Variants in CDYL2 observed in about 807,000 individuals in gnomAD.
CDYL2 encodes chromodomain Y-like protein 2.
A neutral mutation model predicts 49.4 loss-of-function variants in CDYL2; 23 were observed. The observed-to-expected ratio is 0.47, with a 90% CI of 0.34 to 0.66. The LOEUF (loss-of-function observed/expected upper bound fraction) is 0.66, where lower values mean the gene tolerates loss of function less well. Among genes scored for constraint, CDYL2 ranks in the 30% least tolerant of loss-of-function variants. CDYL2 has a pLI of 0.01. For missense variants in CDYL2, 678 were observed against 656.4 expected, an observed-to-expected ratio of 1.03 and a Z score of -0.36; for synonymous variants, 360 against 268.8, an observed-to-expected ratio of 1.34 and a Z score of -3.32.
At chr16:80,724,853 C>T (rs982563414) in intron 1 of CDYL2, among the ~76,000 whole-genome samples, 1 of 152,230 alleles carries the variant, frequency 6.6e-6, no homozygotes, top group Non-Finnish European at 1.5e-5. Flanking sequence ...TGTCTACAGT[C>T]TTGACCCATG....
At chr16:80,655,026 C>A (rs563140727) in intron 2 of CDYL2, among the ~76,000 whole-genome samples, 1 of 152,188 alleles carries the variant, frequency 6.6e-6, no homozygotes, top group Non-Finnish European at 1.5e-5. Flanking sequence ...CGGTCCCGTT[C>A]GTGGAGGCTT....
At chr16:80,730,655 AG>A (rs1404172655) in intron 1 of CDYL2, among the ~76,000 whole-genome samples, 4 of 152,226 alleles carry the variant, frequency 2.6e-5, no homozygotes, top group Non-Finnish European at 4.4e-5. Context: ...ACCAAAAAAA[AG>A]AATTTTAGAC....
chr16:80,645,540 C>G (rs1449784381), intron 2 of CDYL2, among the ~76,000 whole-genome samples: 1 of 152,150 alleles, frequency 6.6e-6, no homozygotes, highest in Non-Finnish European at 1.5e-5. Context: ...GTTGGTGGTA[C>G]TGTAAACTAG....
chr16:80,689,225 T>G (rs1431671036), intron 1 of CDYL2, among the ~76,000 whole-genome samples: 2 of 152,190 alleles, frequency 1.3e-5, no homozygotes, highest in African/African-American at 4.8e-5. Context: ...TGATCCCAGC[T>G]AATGTGAGAC....
At chr16:80,763,259 A>G (rs1446341771) in intron 1 of CDYL2, among the ~76,000 whole-genome samples, 1 of 2,530 alleles carries the variant, frequency 4.0e-4, no homozygotes, top group Non-Finnish European at 1.0e-3. Context: ...AGTAACGAGA[A>G]TCAACTGTGG....
chr16:80,770,061 G>A (rs79600383), intron 1 of CDYL2, among the ~76,000 whole-genome samples: 2,541 of 152,148 alleles, frequency 0.017, 32 homozygotes, highest in Non-Finnish European at 0.027. Context: ...GCAGAAAACC[G>A]AATGTGTTAA....
chr16:80,616,253 T>C (rs887580860), intron 4 of CDYL2, among the ~76,000 whole-genome samples: 2 of 152,156 alleles, frequency 1.3e-5, no homozygotes, highest in African/African-American at 4.8e-5. Flanking sequence ...AAATCAATGA[T>C]GTTGCCCCAG....
intron 1 of CDYL2, among the ~76,000 whole-genome samples, chr16:80,797,428 C>A (rs1230807040): frequency 6.6e-6 from 1 of 152,206 alleles, no homozygotes; most frequent in Non-Finnish European, 1.5e-5. Context: ...GAAACTGCAG[C>A]TGAAAATTAC....
At chr16:80,639,623 C>A (rs1001325432) in intron 2 of CDYL2, 69 of 435,028 alleles carry the variant, frequency 1.6e-4, no homozygotes, top group African/African-American at 1.2e-3. Flanking sequence ...TGTCTACACA[C>A]AAAAAAAAAT....
intron 1 of CDYL2, among the ~76,000 whole-genome samples, chr16:80,745,311 C>T (rs769642389): frequency 4.5e-4 from 68 of 152,136 alleles, no homozygotes; most frequent in Non-Finnish European, 7.8e-4. Context: ...CTGGAAAAGC[C>T]GATCACCATT....
chr16:80,742,831 G>C (rs893035546), intron 1 of CDYL2, among the ~76,000 whole-genome samples: 1 of 150,820 alleles, frequency 6.6e-6, no homozygotes, highest in African/African-American at 2.4e-5. Flanking sequence ...AAGACTGGGT[G>C]GTTGAGTGGA....
intron 1 of CDYL2, among the ~76,000 whole-genome samples, chr16:80,716,599 T>C (rs1249346079): frequency 1.3e-5 from 2 of 151,866 alleles, no homozygotes; most frequent in Non-Finnish European, 2.9e-5. Flanking sequence ...GATGGATCAA[T>C]GGATAGATGA....
At chr16:80,756,090 A>G (rs1906301072) in intron 1 of CDYL2, among the ~76,000 whole-genome samples, 3 of 152,212 alleles carry the variant, frequency 2.0e-5, no homozygotes, top group Admixed American at 2.0e-4. Flanking sequence ...TCATAAGAAA[A>G]TTATTAAATG....
At chr16:80,654,446 C>A (rs1908718828) in intron 2 of CDYL2, among the ~76,000 whole-genome samples, 1 of 152,214 alleles carries the variant, frequency 6.6e-6, no homozygotes, top group African/African-American at 2.4e-5. Context: ...TAGCACAACA[C>A]CATTCTGGTA....
intron 3 of CDYL2, among the ~76,000 whole-genome samples, chr16:80,629,395 G>C (rs998492243): frequency 6.6e-6 from 1 of 152,204 alleles, no homozygotes; most frequent in African/African-American, 2.4e-5. Context: ...AGGTGAACCG[G>C]CCTTGAGACA....
At chr16:80,756,008 T>G (rs1232826347) in intron 1 of CDYL2, among the ~76,000 whole-genome samples, 1 of 152,138 alleles carries the variant, frequency 6.6e-6, no homozygotes, top group Non-Finnish European at 1.5e-5. Context: ...GAATTACAAA[T>G]TAGTTAGAAA....
At chr16:80,618,666 C>T (rs919827562) in intron 4 of CDYL2, among the ~76,000 whole-genome samples, 7 of 152,184 alleles carry the variant, frequency 4.6e-5, no homozygotes, top group Admixed American at 1.3e-4. Flanking sequence ...TCCCCACGCC[C>T]TCCCCAGGCT....
At chr16:80,626,675 C>T (rs1269621109) in intron 3 of CDYL2, among the ~76,000 whole-genome samples, 4 of 152,116 alleles carry the variant, frequency 2.6e-5, no homozygotes, top group South Asian at 2.1e-4. Context: ...AGCTTAGAGG[C>T]TAACAGAAGA....
At chr16:80,765,120 C>T (rs1422601616) in intron 1 of CDYL2, among the ~76,000 whole-genome samples, 10 of 127,840 alleles carry the variant, frequency 7.8e-5, no homozygotes, top group African/African-American at 2.6e-4. Context: ...TATTGTATAA[C>T]ATATAGTACT....
Sources: gnomAD v4.1 joint callset for allele counts (sites outside exome capture counted in the v4.1 genomes callset) on GRCh38, gnomAD v4.1.1 for gene constraint, MANE v1.5 for transcripts, NCBI Gene and HGNC (gene_info 2026-07-23, HGNC 2026-07-21) for gene names.